Variants in TMOD1 observed in about 807,000 individuals in gnomAD.
TMOD1 encodes tropomodulin 1.
In TMOD1, 17 loss-of-function variants were observed where a neutral mutation model predicts 40.6. That is an observed-to-expected ratio of 0.42 (90% CI 0.29 to 0.63). TMOD1 has a LOEUF of 0.63. Among genes scored for constraint, TMOD1 ranks in the 20% least tolerant of loss-of-function variants. The pLI is 0.22. For synonymous variants in TMOD1, 181 were observed against 175.0 expected (o/e 1.03, Z -0.27); for missense variants, 391 against 447.6 (o/e 0.87, Z 1.14).
chr9:97,557,737 G>C lies in TMOD1; in HGVS notation c.397+4337G>C, dbSNP rs1018641955. ...GCAGGAGGAGCCGGGGATGTGTGCT[G>C]TTATCTCTCTGCGTCCTGAGTGGAA... is the stretch of plus-strand genomic sequence containing the variant. On this transcript the variant is annotated intron_variant, in intron 4 of 9. Transcript: ENST00000259365. The surrounding 1 kb of genome is among the most constrained non-coding windows in gnomAD (Gnocchi z 4.4). Among the ~76,000 whole-genome samples, 2 of 152,216 alleles carry C rather than the reference G, an allele frequency of 1.3e-5. No homozygotes were observed. The highest frequency in any genetic ancestry group is 4.8e-5 in the African/African-American group (2 of 41,462).
chr9:97,600,625 G>C lies in TMOD1; in HGVS notation c.*927G>C. 2.0e-6 allele frequency: 2 copies of C among 987,762 alleles called. No homozygotes were observed. Among genetic ancestry groups the C allele is most frequent in the Non-Finnish European group, 2.4e-6 (2 of 831,534 alleles). 61.2% of individuals were successfully genotyped at this position (987,762 alleles called of 1,614,324 possible). The stretch of plus-strand genomic sequence containing the variant: ...TGGTATTTAGTAATGGCCCAGCTTA[G>C]AGACTTCAGCTACTGATCTCATCAC... On this transcript the variant is annotated 3_prime_UTR_variant, in exon 10 of 10. Transcript: ENST00000259365.
At chr9:97,524,028 A>C in intron 1 of TMOD1, 113 bp from the exon 2 acceptor site, 1 of 708,226 alleles carries the variant, frequency 1.4e-6, no homozygotes, top group Non-Finnish European at 2.3e-6. Context: ...AGTAATGATT[A>C]TCCTGGCAAT....
At chr9:97,585,778 T>C (rs1825857056) in intron 8 of TMOD1, among the ~76,000 whole-genome samples, 1 of 138,768 alleles carries the variant, frequency 7.2e-6, no homozygotes, top group East Asian at 2.1e-4. Flanking sequence ...CTGATACCCT[T>C]TCTTCCAGTT....
intron 1 of TMOD1, among the ~76,000 whole-genome samples, chr9:97,505,164 A>G (rs1829572545): frequency 6.6e-6 from 1 of 152,102 alleles, no homozygotes; most frequent in African/African-American, 2.4e-5. Context: ...TTTTTGTCTG[A>G]TCTGAAAAAC....
At position 97,601,015 on chromosome 9, in the gene TMOD1, G is replaced by A; in HGVS notation, c.*1317G>A. ...CAGAGCACTGAGCAGAGAGGCTGGTGATGAAAAGGTGAAGGCCTGCGCACT... is the reference window on the plus strand; with the variant it reads ...CAGAGCACTGAGCAGAGAGGCTGGTAATGAAAAGGTGAAGGCCTGCGCACT... On this transcript the variant is annotated 3_prime_UTR_variant, in exon 10 of 10. Coordinates refer to ENST00000259365, the MANE Select transcript of TMOD1 (RefSeq NM_003275.4). 7.7e-7 allele frequency: 1 copy of A among 1,291,436 alleles called. No individual in the cohort carries two copies. The highest frequency in any genetic ancestry group is 1.0e-6 in the Non-Finnish European group (1 of 981,734). 80.0% of individuals were successfully genotyped at this position (1,291,436 alleles called of 1,614,324 possible). A position where few individuals can be genotyped will look rare whatever the true frequency, so the allele number is the denominator to read the frequency against.
At chr9:97,509,115 G>A (rs10817680) in intron 1 of TMOD1, among the ~76,000 whole-genome samples, 90,530 of 152,034 alleles carry the variant, frequency 0.6, 27,152 homozygotes, top group Middle Eastern at 0.7. Flanking sequence ...CTGACACCTC[G>A]ATTTTGGACT....
chr9:97,526,589 C>T (rs556266975), intron 2 of TMOD1, among the ~76,000 whole-genome samples: 6 of 152,136 alleles, frequency 3.9e-5, no homozygotes, highest in Admixed American at 6.5e-5. Context: ...TTAAACCAGC[C>T]ATTGCTCAAC....
chr9:97,569,986 T>C (rs988566914), intron 8 of TMOD1, among the ~76,000 whole-genome samples: 13 of 152,146 alleles, frequency 8.5e-5, no homozygotes, highest in African/African-American at 3.1e-4. Flanking sequence ...TGCTGAATGG[T>C]TGTATAAATG....
At chr9:97,535,828 T>C (rs908867289) in intron 2 of TMOD1, among the ~76,000 whole-genome samples, 2 of 152,170 alleles carry the variant, frequency 1.3e-5, no homozygotes, top group African/African-American at 4.8e-5. Flanking sequence ...ACTGGGGAAA[T>C]GGCAGCTATT....
chr9:97,513,748 G>A lies in TMOD1; in HGVS notation c.-48-10393G>A, dbSNP rs1427871579. ...CAGAGAAGTACAGCAGTTTGCTCAA[G>A]GTCATATGGCAGGTCCTCAACTAAA... On this transcript the variant is annotated intron_variant, in intron 1 of 9. Coordinates refer to ENST00000259365, the MANE Select transcript of TMOD1 (RefSeq NM_003275.4). This position sits in a 1 kb window ranked among gnomAD's most constrained non-coding sequence, Gnocchi z 4.1. 1 of 152,256 alleles carries A rather than the reference G, an allele frequency of 6.6e-6. No homozygotes were observed. The highest frequency in any genetic ancestry group is 1.5e-5 in the Non-Finnish European group (1 of 68,068). The allele number at this position is 152,256 out of a possible 1,614,324, so 9.4% of individuals were successfully genotyped here. A position where few individuals can be genotyped will look rare whatever the true frequency, so the allele number is the denominator to read the frequency against.
intron 6 of TMOD1, among the ~76,000 whole-genome samples, chr9:97,564,547 C>T (rs1469481647): frequency 1.3e-5 from 2 of 152,224 alleles, no homozygotes; most frequent in African/African-American, 2.4e-5. Flanking sequence ...AAGTCCGGTG[C>T]CCACTAGGCT....
intron 8 of TMOD1, among the ~76,000 whole-genome samples, chr9:97,576,397 T>C (rs981023165): frequency 1.3e-5 from 2 of 152,142 alleles, no homozygotes; most frequent in African/African-American, 4.8e-5. Flanking sequence ...TGAGCTATGA[T>C]TGCACTGCTT....
intron 2 of TMOD1, among the ~76,000 whole-genome samples, chr9:97,530,298 A>G (rs1830078014): frequency 6.6e-6 from 1 of 152,214 alleles, no homozygotes; most frequent in African/African-American, 2.4e-5. Flanking sequence ...TCTCAGTAAA[A>G]GGCTCAAAAT....
chr9:97,507,467 T>C (rs1829607475), intron 1 of TMOD1, among the ~76,000 whole-genome samples: 1 of 152,196 alleles, frequency 6.6e-6, no homozygotes, highest in Admixed American at 6.5e-5. Context: ...ATGCAACTAG[T>C]AAGAACAGAA....
chr9:97,580,353 TC>T (rs1825720344), intron 8 of TMOD1, among the ~76,000 whole-genome samples: 1 of 152,190 alleles, frequency 6.6e-6, no homozygotes, highest in Non-Finnish European at 1.5e-5. Flanking sequence ...ACACCTGTAA[TC>T]CCAGCACTTT....
At chr9:97,599,229 A>C (rs1312552286) in intron 9 of TMOD1, among the ~76,000 whole-genome samples, 1 of 152,228 alleles carries the variant, frequency 6.6e-6, no homozygotes, top group Admixed American at 6.5e-5. Flanking sequence ...GTAGGCCAGG[A>C]GCTCCCAGAC....
chr9:97,552,512 C>G (rs2131254151), intron 3 of TMOD1, among the ~76,000 whole-genome samples: 1 of 152,360 alleles, frequency 6.6e-6, no homozygotes, highest in East Asian at 1.9e-4. Flanking sequence ...CTGCTGTCCC[C>G]TAGCCCCCAG....
At chr9:97,559,785 AAAAAAAAAAATATATAT>A (rs1317582448) in intron 4 of TMOD1, among the ~76,000 whole-genome samples, 2 of 58,158 alleles carry the variant, frequency 3.4e-5, no homozygotes, top group Admixed American at 5.1e-4. Context: ...AAAAAAAAAA[AAAAAAAAAAATATATAT>A]ATATATATAT....
Position 97,542,257 on chromosome 9 carries a change from T to C in TMOD1, c.121-3928T>C, listed in dbSNP as rs1830285306. Among the ~76,000 whole-genome samples the C allele has an allele frequency of 1.3e-5, 2 of 152,222 alleles. 1 individual carries two copies. The highest frequency in any genetic ancestry group is 4.8e-5 in the African/African-American group (2 of 41,462). ...TGGTTTTACTGACAATCATGTGATA[T>C]TTTGTTAAACATACCATTTAATAGA... On this transcript the variant is annotated intron_variant, in intron 2 of 9. Transcript: ENST00000259365.
Sources: allele counts gnomAD v4.1 joint callset (sites outside exome capture counted in the v4.1 genomes callset), GRCh38; gene constraint gnomAD v4.1.1; non-coding constraint Gnocchi (gnomAD v3.1); transcripts MANE v1.5; gene names NCBI Gene and HGNC (gene_info 2026-07-23, HGNC 2026-07-21).